The following TUBGCP6 variants were observed in gnomAD, a reference collection of about 807,000 sequenced individuals.
TUBGCP6 encodes tubulin gamma complex component 6.
A neutral mutation model predicts 175.8 loss-of-function variants in TUBGCP6; 161 were observed. That is an observed-to-expected ratio of 0.92 (90% CI 0.81 to 1.04). TUBGCP6 has a LOEUF of 1.04. TUBGCP6 is among the 50% of genes least tolerant of loss of function. TUBGCP6 has a pLI of 0.00. For synonymous variants in TUBGCP6, 1,173 were observed against 1,030.5 expected (o/e 1.14, Z -2.65); for missense variants, 2,572 against 2,433.0 (o/e 1.06, Z -1.20).
chr22:50,218,957 G>A, intron 20 of TUBGCP6, 60 bp from the exon 21 acceptor site: 1 of 1,584,452 alleles, frequency 6.3e-7, no homozygotes, highest in Middle Eastern at 2.0e-4. Flanking sequence ...GCACTCGCCG[G>A]CACCCCATGG....
chr22:50,218,230 G>C lies in TUBGCP6; in HGVS notation c.5127C>G (p.Ile1709Met), dbSNP rs779245078. The change falls in exon 23 of 25, where the codon ATC (isoleucine) becomes ATG (methionine). Residue 1709 changes from isoleucine (I) to methionine (M), a missense_variant. Ile to Met is a conservative substitution (Grantham distance 10). Coordinates refer to ENST00000248846, the MANE Select transcript of TUBGCP6 (RefSeq NM_020461.4). ...RLATVGDLEE[I>M]QRAHAEYLHK... The stretch of plus-strand genomic sequence containing the variant: ...GCAGGTACTCTGCGTGCGCACGCTG[G>C]ATCTCCTCCAGGTCGCCCACGGTGG... 3 of 1,612,702 alleles carry C rather than the reference G, an allele frequency of 1.9e-6. No individual in the cohort carries two copies. The highest frequency in any genetic ancestry group is 1.3e-5 in the African/African-American group (1 of 74,922).
rs371125566 is a variant in TUBGCP6 at position 50,218,851 on chromosome 22, A to G, written c.4673T>C (p.Leu1558Pro). 3 of 1,613,804 alleles carry G rather than the reference A, an allele frequency of 1.9e-6. No homozygotes were observed. The highest frequency in any genetic ancestry group is 2.7e-5 in the African/African-American group (2 of 74,938). ...CAGGGCCTTGCTCAGCACAGAGTTC[A>G]GCACCAGCGGGTTGAGCAGCTCTCC... is the stretch of plus-strand genomic sequence containing the variant. ...TPGELLNPLV[L>P]NSVLSKALQC... is the part of the protein sequence containing the mutation. The change falls in exon 21 of 25, where the codon CTG becomes CCG. Residue 1558 changes from leucine (L) to proline (P), a missense_variant. Transcript: ENST00000248846.
In TUBGCP6 at chr22:50,221,666, T is replaced by A. The variant is rs753517434; in HGVS notation, c.2693A>T (p.Asp898Val). 2 of 1,518,680 alleles carry A rather than the reference T, an allele frequency of 1.3e-6. No homozygotes were observed. The highest frequency in any genetic ancestry group is 2.8e-5 in the African/African-American group (2 of 71,764). The allele number at this position is 1,518,680 out of a possible 1,614,324, so 94.1% of individuals were successfully genotyped here. The change falls in exon 16 of 25, where the codon GAC becomes GTC. Residue 898 changes from aspartate to valine, a missense_variant. Physicochemically the swap from Asp to Val is radical, Grantham distance 152 (BLOSUM62 -3). Transcript: ENST00000248846. The part of the protein sequence containing the change: ...RPFSDSLSIG[D>V]FLPVGPGAEP... ...AGCCCCTGGGCCCACAGGTAGGAAG[T>A]CTCCAATGCTGAGGCTGTCAGAGAA...
intron 1 of TUBGCP6, among the ~76,000 whole-genome samples, chr22:50,240,672 A>T (rs2064828364): frequency 6.6e-6 from 1 of 152,202 alleles, no homozygotes; most frequent in South Asian, 2.1e-4. Flanking sequence ...GAATTAAAAA[A>T]ATCACACTCA....
At chr22:50,236,710 G>A (rs888882046) in intron 2 of TUBGCP6, among the ~76,000 whole-genome samples, 4 of 152,178 alleles carry the variant, frequency 2.6e-5, no homozygotes, top group African/African-American at 7.2e-5. Flanking sequence ...AGGTGGGGCC[G>A]CTCTGGACCC....
In TUBGCP6 at chr22:50,221,050, C is replaced by T; in HGVS notation, c.3309G>A (p.Arg1103=). ...TGGACACATGTCCATGGATGTTCCA[C>T]CGTGGCCGAGTGGGAGCCACATCTG... ...SVSDVAPTRP[R]WNIHGHVSNA... The change falls in exon 16 of 25, where the codon CGG becomes CGA. Residue 1103 remains arginine (R), a synonymous_variant. Transcript: ENST00000248846. 6.2e-7 allele frequency: 1 copy of T among 1,612,856 alleles called. No individual in the cohort carries two copies. The highest frequency in any genetic ancestry group is 8.5e-7 in the Non-Finnish European group (1 of 1,179,728).
In TUBGCP6 at chr22:50,217,751, G is replaced by GTAGT; in HGVS notation, c.5441_5444dup (p.Tyr1815Ter). The GTAGT allele has an allele frequency of 6.2e-7, 1 of 1,614,074 alleles. No individual in the cohort carries two copies. The highest frequency in any genetic ancestry group is 8.5e-7 in the Non-Finnish European group (1 of 1,180,008). On this transcript the variant is annotated stop_gained and frameshift_variant, in exon 25 of 25. Coordinates refer to ENST00000248846, the MANE Select transcript of TUBGCP6 (RefSeq NM_020461.4). LOFTEE classifies it high-confidence loss of function. The stretch of plus-strand genomic sequence containing the variant: ...CAGAGCAGCCTCAGGCGTCCTGGTA[G>GTAGT]TAGTTGTTGAAGTTGATGCGCAGCA...
At chr22:50,225,716 G>A (rs900523228) in intron 10 of TUBGCP6, 78 bp downstream of exon 10, 15 of 1,529,582 alleles carry the variant, frequency 9.8e-6, no homozygotes, top group Non-Finnish European at 1.8e-6. Context: ...CAGCCCTCAT[G>A]TCCGCCCCAC....
rs2147181437 is a variant in TUBGCP6, at chr22:50,222,083, G to C, written c.2429C>G (p.Ser810Cys). The C allele has an allele frequency of 6.2e-7, 1 of 1,613,784 alleles. No homozygotes were observed. ...CGGCTCCTGGGGCTGGTGAGCCTCAGACACTGCTTTCAGCATCTCCTGAAA... is the reference window on the plus strand; with the variant it reads ...CGGCTCCTGGGGCTGGTGAGCCTCACACACTGCTTTCAGCATCTCCTGAAA... Reference protein sequence around the residue: ...KHIQEMLKAVSEAHQPQEPPD... With the variant: ...KHIQEMLKAVCEAHQPQEPPD... Residue 810 changes from serine (S) to cysteine (C), a missense_variant, in exon 15 of 25, where the codon TCT (serine) becomes TGT (cysteine). Ser to Cys is a moderately radical substitution (Grantham distance 112). Coordinates refer to ENST00000248846, the MANE Select transcript of TUBGCP6 (RefSeq NM_020461.4).
rs749040320 is a variant in TUBGCP6, at chr22:50,226,808, G to C, written c.1526C>G (p.Ala509Gly). Residue 509 changes from alanine (A) to glycine (G), a missense_variant, in exon 7 of 25, where the codon GCT becomes GGT. By Grantham distance (60) the Ala-to-Gly change is moderately conservative. Coordinates refer to ENST00000248846, the MANE Select transcript of TUBGCP6 (RefSeq NM_020461.4). The stretch of plus-strand genomic sequence containing the variant: ...GTGCTCGTTGCTGCAGTTGTGCAGA[G>C]CCTCCTGGTAGAGGTAGGACAGCAG... Reference protein sequence around the residue: ...VKLLSYLYQEALHNCSNEHYP... With the variant: ...VKLLSYLYQEGLHNCSNEHYP... The C allele has an allele frequency of 4.4e-6, 7 of 1,589,434 alleles. No homozygotes were observed. Among genetic ancestry groups the C allele is most frequent in the Non-Finnish European group, 6.0e-6 (7 of 1,168,694 alleles).
In TUBGCP6 at chr22:50,244,944, C is replaced by T. The variant is rs1172153204; in HGVS notation, c.-485G>A. The stretch of plus-strand genomic sequence containing the variant: ...CCGGGTTCTGGCCTGCACGTCCACC[C>T]GTTCTCCAGGCCTCACCCGTGGAAA... On this transcript the variant is annotated 5_prime_UTR_variant, in exon 1 of 25. Transcript: ENST00000248846. 1 of 211,596 alleles carries T rather than the reference C, an allele frequency of 4.7e-6. No individual in the cohort carries two copies. Among genetic ancestry groups the T allele is most frequent in the Non-Finnish European group, 9.6e-6 (1 of 104,602 alleles). 13.1% of individuals were successfully genotyped at this position (211,596 alleles called of 1,614,324 possible).
intron 1 of TUBGCP6, 41 bp downstream of exon 1, chr22:50,243,678 A>G: frequency 6.5e-7 from 1 of 1,528,148 alleles, no homozygotes; most frequent in Non-Finnish European, 8.8e-7. Context: ...GCATTTTCCA[A>G]ACCCCGAGAG....
intron 2 of TUBGCP6, among the ~76,000 whole-genome samples, chr22:50,238,474 A>C (rs535453058): frequency 1.1e-3 from 160 of 151,720 alleles, no homozygotes; most frequent in African/African-American, 3.4e-3. Flanking sequence ...CAAAAAAAAA[A>C]CAGAAAAAAA....
In TUBGCP6 at chr22:50,243,886, T is replaced by C. The variant is rs756893749; in HGVS notation, c.574A>G (p.Thr192Ala). The C allele has an allele frequency of 1.2e-6, 2 of 1,613,826 alleles. No homozygotes were observed. The highest frequency in any genetic ancestry group is 2.2e-5 in the East Asian group (1 of 44,886). ...TCACCAAATGAGAAGAGCCCGACGG[T>C]GGGCAGGCCAGTGCCTGGAGCAGCC... ...MEAAPGTGLP[T>A]VGLFSFGDPC... is the part of the protein sequence containing the mutation. Residue 192 changes from threonine to alanine, a missense_variant, in exon 1 of 25, where the codon ACC (threonine) becomes GCC (alanine). Coordinates refer to ENST00000248846, the MANE Select transcript of TUBGCP6 (RefSeq NM_020461.4).
rs1238256242 is a variant in TUBGCP6, at chr22:50,225,943, G to A, written c.1834C>T (p.His612Tyr). ...INLLKLCCPR[H>Y]YLCWSDVPVP... ...GGGACGTCGGACCAACAGAGGTAAT[G>A]CTGCCAAAGGGGATGCAAGCACAGC... The change falls in exon 10 of 25, where the codon CAT becomes TAT. Residue 612 changes from histidine (H) to tyrosine (Y), a missense_variant and splice_region_variant. Coordinates refer to ENST00000248846, the MANE Select transcript of TUBGCP6 (RefSeq NM_020461.4). The A allele has an allele frequency of 6.2e-7, 1 of 1,613,424 alleles. No individual in the cohort carries two copies. Among genetic ancestry groups the A allele is most frequent in the Non-Finnish European group, 8.5e-7 (1 of 1,179,778 alleles).
At chr22:50,243,655 AAG>A (rs922677110) in intron 1 of TUBGCP6, 62 bp downstream of exon 1, 1 of 1,406,534 alleles carries the variant, frequency 7.1e-7, no homozygotes, top group Non-Finnish European at 9.6e-7. Flanking sequence ...AAGAAGAAGA[AAG>A]GTCACAGGAA....
intron 2 of TUBGCP6, among the ~76,000 whole-genome samples, chr22:50,238,407 C>G (rs2064802003): frequency 6.6e-6 from 1 of 150,638 alleles, no homozygotes; most frequent in Admixed American, 6.6e-5. Context: ...GAGATGGTGC[C>G]ACTGCACTCC....
chr22:50,240,307 G>A lies in TUBGCP6; in HGVS notation c.802C>T (p.Pro268Ser). Residue 268 changes from proline (P) to serine (S), a missense_variant, in exon 2 of 25, where the codon CCT (proline) becomes TCT (serine). Pro to Ser is a moderately conservative substitution (Grantham distance 74). Coordinates refer to ENST00000248846, the MANE Select transcript of TUBGCP6 (RefSeq NM_020461.4). ...ACGCTGGGCTCAGACTGGGAATCAGGAGTCAAGTTGGACGCTGACTGGAAT... is the reference window on the plus strand; with the variant it reads ...ACGCTGGGCTCAGACTGGGAATCAGAAGTCAAGTTGGACGCTGACTGGAAT... ...EGFQSASNLT[P>S]DSQSEPSVTP... The A allele has an allele frequency of 6.2e-7, 1 of 1,614,004 alleles. No individual in the cohort carries two copies.
At chr22:50,225,379 C>T in intron 10 of TUBGCP6, among the ~76,000 whole-genome samples, 1 of 152,126 alleles carries the variant, frequency 6.6e-6, no homozygotes, top group East Asian at 1.9e-4. Flanking sequence ...CTGTCCCTTC[C>T]CAGCAGGAAG....
Sources: allele counts gnomAD v4.1 joint callset (sites outside exome capture counted in the v4.1 genomes callset), GRCh38; gene constraint gnomAD v4.1.1; transcripts MANE v1.5; gene names NCBI Gene and HGNC (gene_info 2026-07-23, HGNC 2026-07-21).